Variants in OR2C1 observed in about 807,000 individuals in gnomAD.
OR2C1 encodes olfactory receptor 2C1.
For synonymous variants in OR2C1, 209 were observed against 167.3 expected, an observed-to-expected ratio of 1.25 and a Z score of -1.92; for missense variants, 468 against 388.3, an observed-to-expected ratio of 1.21 and a Z score of -1.73.
chr16:3,344,706 C>T, the OR2C1 span, among the ~76,000 whole-genome samples: 911 of 150,448 alleles, frequency 6.1e-3, 5 homozygotes, highest in Middle Eastern at 0.021. Flanking sequence ...CCAGCCTGGG[C>T]GACAGAGTGA....
chr16:3,324,575 C>A, the OR2C1 span, among the ~76,000 whole-genome samples: 16 of 152,184 alleles, frequency 1.1e-4, no homozygotes, highest in East Asian at 1.2e-3. Context: ...AAATATCTAA[C>A]TAAACTGCTC....
chr16:3,346,020 A>T, the OR2C1 span, among the ~76,000 whole-genome samples: 1 of 152,068 alleles, frequency 6.6e-6, no homozygotes, highest in African/African-American at 2.4e-5. Flanking sequence ...TTTTCTGTAG[A>T]GACAAGATCT....
At chr16:3,351,842 C>T (rs1362913101), upstream of OR2C1, among the ~76,000 whole-genome samples, 1 of 149,566 alleles carries the variant, frequency 6.7e-6, no homozygotes, top group Non-Finnish European at 1.5e-5. Context: ...TAAATTTGTG[C>T]TGTTGAATTT....
upstream of OR2C1, among the ~76,000 whole-genome samples, chr16:3,352,389 A>T (rs1294285289): frequency 6.6e-6 from 1 of 152,188 alleles, no homozygotes; most frequent in Non-Finnish European, 1.5e-5. Flanking sequence ...TGTTGGGATT[A>T]CAGGCGCGAG....
chr16:3,347,829 CACACACAT>C, the OR2C1 span, among the ~76,000 whole-genome samples: 5 of 98,332 alleles, frequency 5.1e-5, no homozygotes, highest in Admixed American at 1.2e-4. Flanking sequence ...AACACACATG[CACACACAT>C]ACACACATGC....
chr16:3,326,623 T>C, the OR2C1 span, among the ~76,000 whole-genome samples: 1,444 of 152,362 alleles, frequency 9.5e-3, 34 homozygotes, highest in African/African-American at 0.033. Context: ...TTCCTGATCC[T>C]GGTTTCCAGG....
chr16:3,342,173 C>T, the OR2C1 span, among the ~76,000 whole-genome samples: 1 of 152,068 alleles, frequency 6.6e-6, no homozygotes, highest in Non-Finnish European at 1.5e-5. Context: ...ATCACTTGAA[C>T]TCAGGGGGCA....
the OR2C1 span, among the ~76,000 whole-genome samples, chr16:3,342,220 C>T: frequency 6.6e-6 from 1 of 152,106 alleles, no homozygotes; most frequent in South Asian, 2.1e-4. Flanking sequence ...CACTGCACTC[C>T]AGCCTGGGCA....
At chr16:3,354,764 G>C (rs2030632314), upstream of OR2C1, among the ~76,000 whole-genome samples, 1 of 152,112 alleles carries the variant, frequency 6.6e-6, no homozygotes, top group African/African-American at 2.4e-5. Flanking sequence ...TCTTGGCTGG[G>C]GAAATGTGTT....
At chr16:3,355,627 C>G (rs915703779), upstream of OR2C1, among the ~76,000 whole-genome samples, 2 of 151,710 alleles carry the variant, frequency 1.3e-5, no homozygotes, top group African/African-American at 4.8e-5. Flanking sequence ...ACAAAAAATA[C>G]AAAAGTTATT....
chr16:3,355,830 A>G (rs549682239), upstream of OR2C1: 358 of 727,924 alleles, frequency 4.9e-4, 5 homozygotes, highest in South Asian at 6.2e-3. Flanking sequence ...ATCCCAGAGA[A>G]CTATTAGACC....
upstream of OR2C1, among the ~76,000 whole-genome samples, chr16:3,353,977 T>A (rs1035594599): frequency 7.8e-6 from 1 of 127,768 alleles, no homozygotes; most frequent in Non-Finnish European, 1.7e-5. Flanking sequence ...GTTTTTCTTT[T>A]CTTTTCTTTT....
At chr16:3,347,818 G>A in the OR2C1 span, among the ~76,000 whole-genome samples, 5 of 116,108 alleles carry the variant, frequency 4.3e-5, no homozygotes, top group East Asian at 3.2e-4. Flanking sequence ...GTGCACACAC[G>A]AACACACATG....
chr16:3,333,985 G>A, the OR2C1 span, among the ~76,000 whole-genome samples: 1 of 150,440 alleles, frequency 6.6e-6, no homozygotes, highest in Non-Finnish European at 1.5e-5. Context: ...TTTTTGGGGT[G>A]GTGGGGGGAC....
chr16:3,327,848 A>T, the OR2C1 span, among the ~76,000 whole-genome samples: 4 of 150,388 alleles, frequency 2.7e-5, no homozygotes, highest in Non-Finnish European at 1.5e-5. Context: ...ATTGGCTTTA[A>T]TTTTTTTTTT....
chr16:3,327,627 C>G, the OR2C1 span, among the ~76,000 whole-genome samples: 3 of 151,164 alleles, frequency 2.0e-5, no homozygotes, highest in African/African-American at 7.3e-5. Flanking sequence ...GTGATGATCC[C>G]TGGAGCAAGT....
chr16:3,347,736 T>G, the OR2C1 span, among the ~76,000 whole-genome samples: 2 of 152,046 alleles, frequency 1.3e-5, no homozygotes, highest in Non-Finnish European at 2.9e-5. Context: ...AATCTAGCCC[T>G]TAAAGGAGTA....
chr16:3,353,230 G>A (rs191896765), upstream of OR2C1, among the ~76,000 whole-genome samples: 370 of 151,786 alleles, frequency 2.4e-3, 1 homozygote, highest in African/African-American at 8.7e-3. Flanking sequence ...GGTGGCTCAC[G>A]CCTGTAATCC....
At chr16:3,352,658 C>T (rs981900377), upstream of OR2C1, among the ~76,000 whole-genome samples, 1 of 151,630 alleles carries the variant, frequency 6.6e-6, no homozygotes, top group Non-Finnish European at 1.5e-5. Context: ...TCCCTGTTCA[C>T]TTTGTCTAAT....
Sources: gnomAD v4.1 joint callset for allele counts (sites outside exome capture counted in the v4.1 genomes callset) on GRCh38, gnomAD v4.1.1 for gene constraint, MANE v1.5 for transcripts, NCBI Gene and HGNC (gene_info 2026-07-23, HGNC 2026-07-21) for gene names.